Variants in PASK observed in about 807,000 individuals in gnomAD.
The protein encoded by PASK is PAS domain containing serine/threonine kinase, also known as PAS domain-containing serine/threonine-protein kinase.
Under a neutral mutation model 121.0 loss-of-function variants are expected in PASK, and 110 were observed. The ratio of observed to expected loss-of-function variants is 0.91; its 90% confidence interval spans 0.78 to 1.06. PASK has a LOEUF of 1.06. Ranked by LOEUF, PASK falls within the 50% of genes least tolerant of loss-of-function variation. The probability of loss-of-function intolerance (pLI) is 0.00; values close to 1 mark genes in which losing one functional copy is unlikely to be tolerated. For missense variants in PASK, 1,643 were observed against 1,702.3 expected (o/e 0.97, Z 0.61); for synonymous variants, 686 against 717.8 (o/e 0.96, Z 0.71).
At chr2:241,126,174 T>A in intron 10 of PASK, 22 bp downstream of exon 10, 1 of 1,612,158 alleles carries the variant, frequency 6.2e-7, no homozygotes, top group Non-Finnish European at 8.5e-7. Context: ...CCACACTTCT[T>A]CCTATGGGGC....
rs867663799 is a variant in PASK, at chr2:241,144,748, C to T, written c.-42-1674G>A. ...GGGGTGAAGAGGAAAGGGGAGGTGG[C>T]CCTCCCAACACCACCTCTTCCAATA... On this transcript the variant is annotated intron_variant, in intron 1 of 17. Coordinates refer to ENST00000234040, the MANE Select transcript of PASK (RefSeq NM_015148.4). Among the ~76,000 whole-genome samples, 14 of 152,292 alleles carry T rather than the reference C, an allele frequency of 9.2e-5. No individual in the cohort carries two copies. In the South Asian group the frequency reaches 1.2e-3, roughly 14 times the overall value.
chr2:241,134,910 G>A (rs2066336092), intron 8 of PASK: 1 of 152,424 alleles, frequency 6.6e-6, no homozygotes, highest in African/African-American at 2.4e-5. Context: ...CAGAGGCCCT[G>A]GAGGCAGAGT....
At chr2:241,137,294 GCC>G in intron 6 of PASK, 30 bp from the exon 7 acceptor site, 1 of 1,608,084 alleles carries the variant, frequency 6.2e-7, no homozygotes, top group African/African-American at 1.3e-5. Flanking sequence ...TTTGGCTTAA[GCC>G]GTGTTTCACG....
rs1008097869 is a variant in PASK, at chr2:241,138,934, T to C, written c.601-140A>G. 42 of 801,762 alleles carry C rather than the reference T, an allele frequency of 5.2e-5. 1 individual carries two copies. The Admixed American group carries it at 7.0e-4, about 13-fold the overall frequency. The allele number at this position is 801,762 out of a possible 1,614,324, so 49.7% of individuals were successfully genotyped here. A position where few individuals can be genotyped will look rare whatever the true frequency, so the allele number is the denominator to read the frequency against. On this transcript the variant is annotated intron_variant, in intron 4 of 17. Transcript: ENST00000234040. ...GCTTACCTGATTTTCATTTCAGAAA[T>C]TTACCAAAGCACAAACAAGATTTCC...
chr2:241,147,184 C>T (rs2066994496), intron 1 of PASK, among the ~76,000 whole-genome samples: 2 of 152,106 alleles, frequency 1.3e-5, no homozygotes, highest in African/African-American at 4.8e-5. Context: ...TAGAACCAAC[C>T]TATAGACAAA....
At chr2:241,133,586 T>G (rs1373413675) in intron 8 of PASK, 2 of 199,936 alleles carry the variant, frequency 1.0e-5, no homozygotes, top group Non-Finnish European at 2.1e-5. Context: ...CTCCCTCCAG[T>G]CCCCGTGAGC....
chr2:241,106,384 A>G lies in PASK; in HGVS notation c.*182T>C, dbSNP rs929835358. 5 of 689,398 alleles carry G rather than the reference A, an allele frequency of 7.3e-6. No individual in the cohort carries two copies. The highest frequency in any genetic ancestry group is 2.5e-5 in the East Asian group (1 of 39,842). The allele number at this position is 689,398 out of a possible 1,614,324, so 42.7% of individuals were successfully genotyped here. Reference sequence around the variant, plus strand: ...CATGAAAAAAGTGAATTCCAAATCTATGTAATAAATCTAAAATAATACAGC... The same window carrying G: ...CATGAAAAAAGTGAATTCCAAATCTGTGTAATAAATCTAAAATAATACAGC... On this transcript the variant is annotated 3_prime_UTR_variant, in exon 18 of 18. Coordinates refer to ENST00000234040, the MANE Select transcript of PASK (RefSeq NM_015148.4).
chr2:241,133,145 C>A, intron 8 of PASK, 115 bp from the exon 9 acceptor site: 1 of 1,025,770 alleles, frequency 9.7e-7, no homozygotes, highest in Non-Finnish European at 1.5e-6. Flanking sequence ...GCATCGACCA[C>A]CTCTCACCAC....
chr2:241,127,237 TGCCCCCATCCTCAGCTGGGACTG>T lies in PASK; in HGVS notation c.1655_1677del (p.Pro552GlnfsTer2). 1 of 1,614,224 alleles carries T rather than the reference TGCCCCCATCCTCAGCTGGGACTG, an allele frequency of 6.2e-7. No homozygotes were observed. The highest frequency in any genetic ancestry group is 8.5e-7 in the Non-Finnish European group (1 of 1,180,020). On this transcript the variant is annotated frameshift_variant, in exon 10 of 18. Transcript: ENST00000234040. LOFTEE classifies it high-confidence loss of function. ...CACAGGCCACACATGCCAGCATCAC[TGCCCCCATCCTCAGCTGGGACTG>T]GAGCTTCAGAATCTTCGCAGGAAGC...
chr2:241,117,038 T>C (rs1385421160), intron 12 of PASK, among the ~76,000 whole-genome samples: 1 of 151,858 alleles, frequency 6.6e-6, no homozygotes, highest in East Asian at 1.9e-4. Context: ...AGCACAGGAC[T>C]GTGGCAGAGC....
intron 12 of PASK, among the ~76,000 whole-genome samples, chr2:241,122,049 C>T (rs957305616): frequency 5.9e-5 from 9 of 152,178 alleles, no homozygotes; most frequent in South Asian, 2.1e-4. Context: ...AAAGTAACAA[C>T]GTATTTGTAA....
chr2:241,110,766 G>A (rs1047558847), intron 15 of PASK, among the ~76,000 whole-genome samples: 3 of 152,236 alleles, frequency 2.0e-5, no homozygotes, highest in South Asian at 2.1e-4. Flanking sequence ...CGGAGGGCAC[G>A]ACAACCACTG....
intron 15 of PASK, among the ~76,000 whole-genome samples, chr2:241,111,488 T>A (rs2065110421): frequency 6.6e-6 from 1 of 152,202 alleles, no homozygotes; most frequent in East Asian, 1.9e-4. Flanking sequence ...GTCTATTTCA[T>A]ACACATAGAC....
intron 8 of PASK, chr2:241,133,471 G>A: frequency 3.6e-6 from 1 of 280,034 alleles, no homozygotes; most frequent in Non-Finnish European, 7.0e-6. Context: ...TATCTACAAG[G>A]CTTCCCTAGG....
At chr2:241,128,961 G>A (rs1281372681) in intron 9 of PASK, among the ~76,000 whole-genome samples, 2 of 151,738 alleles carry the variant, frequency 1.3e-5, no homozygotes, top group Non-Finnish European at 2.9e-5. Context: ...TTTTCTGAGG[G>A]GAACTGAGGG....
intron 10 of PASK, among the ~76,000 whole-genome samples, chr2:241,125,404 T>A (rs148039150): frequency 3.0e-4 from 46 of 151,198 alleles, no homozygotes; most frequent in African/African-American, 1.0e-3. Flanking sequence ...AACGAGACCA[T>A]CCTGGCTAAC....
Position 241,126,864 on chromosome 2 carries a change from G to A in PASK, c.2051C>T (p.Pro684Leu), listed in dbSNP as rs56372985. The stretch of plus-strand genomic sequence containing the variant: ...AGCGGTGACAGCCTGGCACTCTGTC[G>A]GAACGAGTTCGGCGTGGGGGACATC... ...ALDVPHAELVPTECQAVTAPV... is the reference protein window; with the variant it reads ...ALDVPHAELVLTECQAVTAPV... The change falls in exon 10 of 18, where the codon CCG becomes CTG. Residue 684 changes from proline to leucine, a missense_variant. Physicochemically the swap from Pro to Leu is moderately conservative, Grantham distance 98. Around this residue, in one of 3 missense-constraint regions of PASK, gnomAD observed 1,176 missense variants for 1,162.2 expected, o/e 1.01. Coordinates refer to ENST00000234040, the MANE Select transcript of PASK (RefSeq NM_015148.4). 2.5e-4 allele frequency: 399 copies of A among 1,612,862 alleles called. No individual in the cohort carries two copies. The highest frequency in any genetic ancestry group is 1.8e-3 in the Middle Eastern group (11 of 6,056).
In PASK at chr2:241,108,735, G is replaced by A; in HGVS notation, c.3534-435C>T. On this transcript the variant is annotated intron_variant, in intron 15 of 17. Coordinates refer to ENST00000234040, the MANE Select transcript of PASK (RefSeq NM_015148.4). The surrounding 1 kb of genome is among the most constrained non-coding windows in gnomAD (Gnocchi z 5.2). The stretch of plus-strand genomic sequence containing the variant: ...CACGATCTTGGTGTGAACGGGCTTG[G>A]TGTGACCATGGACACACATGCCCTT... 3.1e-6 allele frequency: 1 copy of A among 327,386 alleles called. No homozygotes were observed. Among genetic ancestry groups the A allele is most frequent in the Non-Finnish European group, 6.0e-6 (1 of 166,246 alleles). 20.3% of individuals were successfully genotyped at this position (327,386 alleles called of 1,614,324 possible).
At chr2:241,133,170 G>A (rs921122548) in intron 8 of PASK, 140 bp from the exon 9 acceptor site, 46 of 801,418 alleles carry the variant, frequency 5.7e-5, no homozygotes, top group Middle Eastern at 5.7e-4. Flanking sequence ...GGCGTCCCAG[G>A]TCCAACCCAG....
Sources: gnomAD v4.1 joint callset for allele counts (sites outside exome capture counted in the v4.1 genomes callset) on GRCh38, gnomAD v4.1.1 for gene constraint, gnomAD v4.1.1 regional missense constraint, Gnocchi (gnomAD v3.1) non-coding constraint, MANE v1.5 for transcripts, NCBI Gene and HGNC (gene_info 2026-07-23, HGNC 2026-07-21) for gene names.